Variants in FERMT2 observed in about 807,000 individuals in gnomAD.
FERMT2 encodes the protein fermitin family homolog 2.
Under a neutral mutation model 82.7 loss-of-function variants are expected in FERMT2, and 15 were observed. The ratio of observed to expected loss-of-function variants is 0.18; its 90% confidence interval spans 0.12 to 0.28. The LOEUF (loss-of-function observed/expected upper bound fraction) is 0.28, where lower values mean the gene tolerates loss of function less well. FERMT2 is among the 10% of genes least tolerant of loss of function. FERMT2 has a pLI of 1.00. For synonymous variants in FERMT2, 274 were observed against 271.5 expected (o/e 1.01, Z -0.09); for missense variants, 645 against 809.4 (o/e 0.80, Z 2.46).
chr14:52,911,801 A>C (rs1373440598), intron 3 of FERMT2, among the ~76,000 whole-genome samples: 1 of 152,298 alleles, frequency 6.6e-6, no homozygotes, highest in Non-Finnish European at 1.5e-5. Context: ...AACAGTGTTA[A>C]ATTATGTATT....
chr14:52,874,863 C>A lies in FERMT2; in HGVS notation c.1098+360G>T, dbSNP rs1885857056. On this transcript the variant is annotated intron_variant, in intron 8 of 14. Coordinates refer to ENST00000341590, the MANE Select transcript of FERMT2 (RefSeq NM_006832.3). ...TTAAGGCCAGGAGTTTGAGATCAGA[C>A]TAGACAACACAGTGAGACCCCATCT... Among the ~76,000 whole-genome samples the A allele has an allele frequency of 2.0e-5, 3 of 152,106 alleles. 1 individual carries two copies. The South Asian group carries it at 6.2e-4, about 32-fold the overall frequency.
At chr14:52,904,941 G>GC (rs745529071) in intron 3 of FERMT2, among the ~76,000 whole-genome samples, 41 of 152,020 alleles carry the variant, frequency 2.7e-4, no homozygotes, top group Non-Finnish European at 5.4e-4. Flanking sequence ...GCAATTCCCA[G>GC]CACCTTGGGA....
intron 3 of FERMT2, among the ~76,000 whole-genome samples, chr14:52,897,976 C>CAAAAAAAA (rs71125145): frequency 7.5e-5 from 7 of 93,464 alleles, no homozygotes; most frequent in African/African-American, 3.3e-4. Context: ...AACTCCGTCT[C>CAAAAAAAA]AAAAAAAAAA....
At chr14:52,901,680 G>T (rs1208783571) in intron 3 of FERMT2, among the ~76,000 whole-genome samples, 1 of 152,178 alleles carries the variant, frequency 6.6e-6, no homozygotes, top group Non-Finnish European at 1.5e-5. Flanking sequence ...AGCTGAGAAT[G>T]ACCCCTAGCA....
chr14:52,894,488 T>C (rs935260206), intron 3 of FERMT2, among the ~76,000 whole-genome samples: 17 of 152,080 alleles, frequency 1.1e-4, no homozygotes, highest in Non-Finnish European at 2.4e-4. Context: ...AAGAACAAAA[T>C]TGGACGACTT....
chr14:52,881,852 T>C (rs926585068), intron 4 of FERMT2: 2 of 1,190,736 alleles, frequency 1.7e-6, no homozygotes, highest in African/African-American at 1.6e-5. Context: ...AAGAAAGGAA[T>C]TCAGAAGGTA....
At chr14:52,878,512 A>C in intron 7 of FERMT2, 70 bp downstream of exon 7, 1 of 947,140 alleles carries the variant, frequency 1.1e-6, no homozygotes, top group Admixed American at 2.3e-5. Context: ...TTACTATTCC[A>C]CTTTACTGTT....
At chr14:52,858,875 C>T (rs1387742971) in intron 14 of FERMT2, 1 of 210,418 alleles carries the variant, frequency 4.8e-6, no homozygotes, top group East Asian at 1.0e-4. Context: ...GCAGGAAAGC[C>T]TACTTCCTGT....
chr14:52,928,659 A>AT (rs1566756335), intron 2 of FERMT2, among the ~76,000 whole-genome samples: 1 of 151,982 alleles, frequency 6.6e-6, no homozygotes, highest in Non-Finnish European at 1.5e-5. Context: ...GAAACCTACT[A>AT]TTTTTTTCTG....
At chr14:52,919,644 A>G (rs1460628287) in intron 2 of FERMT2, among the ~76,000 whole-genome samples, 1 of 152,238 alleles carries the variant, frequency 6.6e-6, no homozygotes, top group African/African-American at 2.4e-5. Flanking sequence ...TTATTCTCAG[A>G]AAACAGAATC....
intron 7 of FERMT2, among the ~76,000 whole-genome samples, chr14:52,878,201 T>C (rs1886085614): frequency 6.6e-6 from 1 of 152,178 alleles, no homozygotes; most frequent in Non-Finnish European, 1.5e-5. Flanking sequence ...CCCTGGCTAT[T>C]TATGAAATTA....
intron 3 of FERMT2, among the ~76,000 whole-genome samples, chr14:52,894,283 C>T (rs186692457): frequency 3.5e-4 from 54 of 152,278 alleles, no homozygotes; most frequent in African/African-American, 1.0e-3. Context: ...CACACACACA[C>T]ACAATATATA....
At chr14:52,860,885 C>G (rs905632565) in intron 12 of FERMT2, 35 of 725,784 alleles carry the variant, frequency 4.8e-5, no homozygotes, top group Non-Finnish European at 7.7e-5. Context: ...CTTTAAGGTA[C>G]TTGAAATCAC....
chr14:52,929,760 G>GT (rs1454877126), intron 2 of FERMT2, among the ~76,000 whole-genome samples: 3 of 151,982 alleles, frequency 2.0e-5, no homozygotes, highest in Non-Finnish European at 2.9e-5. Context: ...CCATACTGTT[G>GT]TATTTCAGTA....
At chr14:52,934,049 G>A (rs970327854) in intron 2 of FERMT2, among the ~76,000 whole-genome samples, 1 of 152,124 alleles carries the variant, frequency 6.6e-6, no homozygotes, top group East Asian at 1.9e-4. Context: ...CACTTTGAAT[G>A]ATATAATTCA....
intron 4 of FERMT2, among the ~76,000 whole-genome samples, chr14:52,887,358 CAAAAATTA>C (rs1201163453): frequency 6.6e-6 from 1 of 151,702 alleles, no homozygotes; most frequent in Non-Finnish European, 1.5e-5. Flanking sequence ...ACAAAAAATA[CAAAAATTA>C]GCTGGCCATG....
At chr14:52,942,970 T>C (rs1459096882) in intron 2 of FERMT2, among the ~76,000 whole-genome samples, 1 of 152,132 alleles carries the variant, frequency 6.6e-6, no homozygotes, top group Non-Finnish European at 1.5e-5. Context: ...CCCAGCACCT[T>C]GGGAGGCCGA....
chr14:52,881,872 C>A, intron 4 of FERMT2: 2 of 873,026 alleles, frequency 2.3e-6, no homozygotes, highest in Non-Finnish European at 3.2e-6. Context: ...AAAGGAAAGG[C>A]CACAACAGAG....
chr14:52,864,397 G>C lies in FERMT2; in HGVS notation c.1602+4C>G, dbSNP rs777285253. The C allele has an allele frequency of 1.2e-6, 2 of 1,601,782 alleles. No individual in the cohort carries two copies. Among genetic ancestry groups the C allele is most frequent in the Admixed American group, 3.3e-5 (2 of 59,990 alleles). On this transcript the variant is annotated splice_donor_region_variant and intron_variant, in intron 12 of 14. Coordinates refer to ENST00000341590, the MANE Select transcript of FERMT2 (RefSeq NM_006832.3). Reference sequence around the variant, plus strand: ...CAGTAGATGAAGTAAAATGAAGTAAGTACCTGCTTGTTCTTATACTTTTTT... The same window carrying C: ...CAGTAGATGAAGTAAAATGAAGTAACTACCTGCTTGTTCTTATACTTTTTT...
Sources: gnomAD v4.1 joint callset for allele counts (sites outside exome capture counted in the v4.1 genomes callset) on GRCh38, gnomAD v4.1.1 for gene constraint, MANE v1.5 for transcripts, NCBI Gene and HGNC (gene_info 2026-07-23, HGNC 2026-07-21) for gene names.